Variants in SLC35G2 observed in about 807,000 individuals in gnomAD.
SLC35G2 encodes the protein transmembrane protein 22.
A neutral mutation model predicts 27.2 loss-of-function variants in SLC35G2; 20 were observed. The ratio of observed to expected loss-of-function variants is 0.74; its 90% CI spans 0.52 to 1.07. The LOEUF (loss-of-function observed/expected upper bound fraction) is 1.07, where lower values mean the gene tolerates loss of function less well. Among genes scored for constraint, SLC35G2 ranks in the 50% least tolerant of loss-of-function variants. The probability of loss-of-function intolerance (pLI) is 0.00; values close to 1 mark genes in which losing one functional copy is unlikely to be tolerated. For missense variants in SLC35G2, 416 were observed against 493.3 expected, an observed-to-expected ratio of 0.84 and a Z score of 1.48; for synonymous variants, 148 against 165.3, an observed-to-expected ratio of 0.90 and a Z score of 0.80.
intron 1 of SLC35G2, among the ~76,000 whole-genome samples, chr3:136,839,604 T>G (rs1937004368): frequency 6.6e-6 from 1 of 152,174 alleles, no homozygotes; most frequent in South Asian, 2.1e-4. Flanking sequence ...ATGGTAAGAC[T>G]AAATGTTTAG....
intron 1 of SLC35G2, among the ~76,000 whole-genome samples, chr3:136,833,311 A>C (rs1001386466): frequency 6.6e-6 from 1 of 152,186 alleles, no homozygotes; most frequent in Non-Finnish European, 1.5e-5. Flanking sequence ...TGGAAATTAC[A>C]TGGAGAAAGA....
chr3:136,830,004 TTTC>T (rs993203550), intron 1 of SLC35G2, among the ~76,000 whole-genome samples: 5 of 152,126 alleles, frequency 3.3e-5, no homozygotes, highest in African/African-American at 7.2e-5. Flanking sequence ...TTGAATAAAC[TTTC>T]TACCTCTATC....
intron 1 of SLC35G2, among the ~76,000 whole-genome samples, chr3:136,849,924 G>A (rs1937572434): frequency 6.6e-6 from 1 of 151,028 alleles, no homozygotes; most frequent in Non-Finnish European, 1.5e-5. Context: ...GACCAACATG[G>A]TGAAACCCCG....
At chr3:136,832,673 T>C (rs1316950632) in intron 1 of SLC35G2, among the ~76,000 whole-genome samples, 1 of 152,068 alleles carries the variant, frequency 6.6e-6, no homozygotes, top group Non-Finnish European at 1.5e-5. Flanking sequence ...CATGAATGCA[T>C]GAGATTGCCA....
chr3:136,842,072 A>G (rs1163855682), intron 1 of SLC35G2: 1 of 143,688 alleles, frequency 7.0e-6, no homozygotes, highest in East Asian at 1.9e-4. Flanking sequence ...AAATAAAGAT[A>G]CTTTCCATAT....
intron 1 of SLC35G2, among the ~76,000 whole-genome samples, chr3:136,847,175 A>AAAATAAATAAATAAATAAT (rs1937421527): frequency 1.3e-5 from 2 of 152,012 alleles, no homozygotes; most frequent in South Asian, 4.1e-4. Flanking sequence ...AGACTGTCTA[A>AAAATAAATAAATAAATAAT]AAATAAATAA....
rs1560022521 is a variant in SLC35G2 at position 136,854,948 on chromosome 3, G to C, written c.488G>C (p.Gly163Ala). 6.2e-7 allele frequency: 1 copy of C among 1,614,096 alleles called. No individual in the cohort carries two copies. The highest frequency in any genetic ancestry group is 1.7e-5 in the Admixed American group (1 of 60,016). ...YYQEAPFGPSGYRLRLFFYGV... is the reference protein window; with the variant it reads ...YYQEAPFGPSAYRLRLFFYGV... ...CAGGAGGCCCCCTTTGGACCCAGTG[G>C]ATACAGATTACGACTCTTCTTTTAT... The change falls in exon 2 of 2, where the codon GGA (glycine) becomes GCA (alanine). Residue 163 changes from glycine to alanine, a missense_variant. Coordinates refer to ENST00000446465, the MANE Select transcript of SLC35G2 (RefSeq NM_025246.3).
chr3:136,840,972 C>A (rs548361726), intron 1 of SLC35G2, among the ~76,000 whole-genome samples: 1 of 147,528 alleles, frequency 6.8e-6, no homozygotes, highest in Non-Finnish European at 1.5e-5. Flanking sequence ...ACTCTGTTTC[C>A]CAGGCTGGAG....
At chr3:136,842,360 C>G (rs1937136149) in intron 1 of SLC35G2, 1 of 152,162 alleles carries the variant, frequency 6.6e-6, no homozygotes, top group South Asian at 2.1e-4. Context: ...AGATTTAAAG[C>G]TCTTCAATGA....
chr3:136,837,841 C>T (rs912768275), intron 1 of SLC35G2: 3 of 90,202 alleles, frequency 3.3e-5, no homozygotes, highest in African/African-American at 1.1e-4. Flanking sequence ...GTACAATTAA[C>T]TCTTTTTTTT....
chr3:136,835,877 T>C (rs2108006639), intron 1 of SLC35G2, among the ~76,000 whole-genome samples: 1 of 152,342 alleles, frequency 6.6e-6, no homozygotes, highest in East Asian at 1.9e-4. Flanking sequence ...AGCCAGCTCC[T>C]GTGTCCTTTT....
chr3:136,824,185 G>A (rs190135059), intron 1 of SLC35G2, among the ~76,000 whole-genome samples: 48 of 152,096 alleles, frequency 3.2e-4, no homozygotes, highest in Admixed American at 3.1e-3. Context: ...TTTTGTTCAG[G>A]ATAACTTTGG....
intron 1 of SLC35G2, among the ~76,000 whole-genome samples, chr3:136,831,028 A>G (rs1276443665): frequency 6.6e-6 from 1 of 152,120 alleles, no homozygotes; most frequent in Non-Finnish European, 1.5e-5. Flanking sequence ...ACTTTACTGA[A>G]CTCTTTTACT....
At chr3:136,844,229 C>T (rs1024668338) in intron 1 of SLC35G2, among the ~76,000 whole-genome samples, 5 of 151,496 alleles carry the variant, frequency 3.3e-5, no homozygotes, top group Non-Finnish European at 7.4e-5. Flanking sequence ...GTGGCTCACA[C>T]CGGTAATCCC....
chr3:136,830,575 G>T (rs918768838), intron 1 of SLC35G2, among the ~76,000 whole-genome samples: 2 of 151,844 alleles, frequency 1.3e-5, no homozygotes, highest in Non-Finnish European at 2.9e-5. Flanking sequence ...GAGCCACCGC[G>T]CCTGGCCTAC....
chr3:136,855,794 C>T lies in SLC35G2; in HGVS notation c.*95C>T. On this transcript the variant is annotated 3_prime_UTR_variant, in exon 2 of 2. Transcript: ENST00000446465. ...AATGTCTTTTGTGTTATATAACTGA[C>T]AGAGTGCTATAAAATATATAATATA... The T allele has an allele frequency of 1.1e-6, 1 of 931,576 alleles. No homozygotes were observed. The highest frequency in any genetic ancestry group is 1.7e-6 in the Non-Finnish European group (1 of 597,766). The allele number at this position is 931,576 out of a possible 1,614,324, so 57.7% of individuals were successfully genotyped here. A position where few individuals can be genotyped will look rare whatever the true frequency, so the allele number is the denominator to read the frequency against.
At chr3:136,844,362 G>A (rs935730347) in intron 1 of SLC35G2, among the ~76,000 whole-genome samples, 11 of 151,020 alleles carry the variant, frequency 7.3e-5, no homozygotes, top group South Asian at 2.1e-4. Flanking sequence ...GGTGGCACGC[G>A]CCTGTAGTTC....
chr3:136,835,479 T>G (rs748115468), intron 1 of SLC35G2, among the ~76,000 whole-genome samples: 1 of 152,164 alleles, frequency 6.6e-6, no homozygotes, highest in Non-Finnish European at 1.5e-5. Context: ...TTGGTGATGT[T>G]AACTTTGATG....
chr3:136,844,705 C>A (rs1490859339), intron 1 of SLC35G2, among the ~76,000 whole-genome samples: 1 of 142,014 alleles, frequency 7.0e-6, no homozygotes, highest in Non-Finnish European at 1.5e-5. Flanking sequence ...GAGGCTGAGG[C>A]ACGAATTGCT....
Sources: allele counts gnomAD v4.1 joint callset (sites outside exome capture counted in the v4.1 genomes callset), GRCh38; gene constraint gnomAD v4.1.1; transcripts MANE v1.5; gene names NCBI Gene and HGNC (gene_info 2026-07-23, HGNC 2026-07-21).